MAP1B: variants seen among roughly 807,000 people sequenced by gnomAD.
MAP1B encodes microtubule-associated protein 1B.
In MAP1B, 12 loss-of-function variants were observed where a neutral mutation model predicts 176.1. That is an observed-to-expected ratio of 0.07 (90% CI 0.04 to 0.11). The LOEUF (loss-of-function observed/expected upper bound fraction) is 0.11. MAP1B is among the 10% of genes least tolerant of loss of function. The probability of loss-of-function intolerance (pLI) is 1.00; values close to 1 mark genes in which losing one functional copy is unlikely to be tolerated. For missense variants in MAP1B, 2,523 were observed against 2,990.5 expected (o/e 0.84, Z 3.65); for synonymous variants, 1,044 against 1,135.0 (o/e 0.92, Z 1.61).
chr5:72,127,610 A>C (rs1031371836), intron 2 of MAP1B, among the ~76,000 whole-genome samples: 3 of 152,216 alleles, frequency 2.0e-5, no homozygotes, highest in Non-Finnish European at 4.4e-5. Flanking sequence ...GTATAATTTT[A>C]AAAAAGTTAA....
chr5:72,127,433 A>T (rs1418933184), intron 2 of MAP1B, among the ~76,000 whole-genome samples: 1 of 152,166 alleles, frequency 6.6e-6, no homozygotes, highest in East Asian at 1.9e-4. Flanking sequence ...TAATACCTTT[A>T]AGGTAAAAAC....
At chr5:72,116,829 G>T (rs557916010) in intron 2 of MAP1B, among the ~76,000 whole-genome samples, 1 of 152,244 alleles carries the variant, frequency 6.6e-6, no homozygotes, top group South Asian at 2.1e-4. Context: ...CATCAGGAAT[G>T]AGATTCAGCC....
At position 72,198,281 on chromosome 5, in the gene MAP1B, G is replaced by A. The variant is rs762090587; in HGVS notation, c.4926G>A (p.Gln1642=). The change falls in exon 5 of 7, where the codon CAG becomes CAA. Residue 1642 remains glutamine, a synonymous_variant. Coordinates refer to ENST00000296755, the MANE Select transcript of MAP1B (RefSeq NM_005909.5). ...RTPVQDHRSE[Q]SSMSIEFGQE... is the part of the protein sequence containing the mutation. ...CCGTTCAAGATCACAGATCTGAACA[G>A]TCCTCAATGTCTATTGAATTTGGCC... 5 of 1,614,242 alleles carry A rather than the reference G, an allele frequency of 3.1e-6. No individual in the cohort carries two copies. Among genetic ancestry groups the A allele is most frequent in the Non-Finnish European group, 3.4e-6 (4 of 1,180,040 alleles).
rs1408298475 is a variant in MAP1B, at chr5:72,198,750, A to G, written c.5395A>G (p.Thr1799Ala). The change falls in exon 5 of 7, where the codon ACT (threonine) becomes GCT (alanine). Residue 1799 changes from threonine to alanine, a missense_variant. By Grantham distance (58) the Thr-to-Ala change is moderately conservative. Transcript: ENST00000296755. ...PRESSPLYSP[T>A]FSDSTSAVKE... ...AGAGTCCTCTCCTTTATATTCACCT[A>G]CTTTTTCAGATTCTACCTCTGCAGT... 1.1e-5 allele frequency: 18 copies of G among 1,614,006 alleles called. No individual in the cohort carries two copies. Among genetic ancestry groups the G allele is most frequent in the South Asian group, 3.3e-5 (3 of 91,076 alleles).
At chr5:72,181,172 G>A (rs1746757903) in intron 2 of MAP1B, among the ~76,000 whole-genome samples, 1 of 152,182 alleles carries the variant, frequency 6.6e-6, no homozygotes, top group South Asian at 2.1e-4. Context: ...TTCTGTCTGT[G>A]ATGTGGGGTT....
intron 2 of MAP1B, among the ~76,000 whole-genome samples, chr5:72,147,598 C>T (rs1238785416): frequency 1.3e-5 from 2 of 152,130 alleles, no homozygotes; most frequent in East Asian, 1.9e-4. Context: ...GCAAGGCCTG[C>T]GAGGACACGC....
intron 2 of MAP1B, among the ~76,000 whole-genome samples, chr5:72,144,838 T>A (rs1746016610): frequency 6.6e-6 from 1 of 152,220 alleles, no homozygotes; most frequent in Non-Finnish European, 1.5e-5. Context: ...GTCTAGGCCA[T>A]GACTAGAAAG....
intron 2 of MAP1B, among the ~76,000 whole-genome samples, chr5:72,118,186 T>C (rs893831900): frequency 2.0e-4 from 31 of 152,348 alleles, no homozygotes; most frequent in African/African-American, 7.5e-4. Context: ...GAATCTTTCA[T>C]TGTTTTTTGA....
intron 2 of MAP1B, among the ~76,000 whole-genome samples, chr5:72,146,580 C>A (rs1414653101): frequency 2.0e-5 from 3 of 152,318 alleles, no homozygotes; most frequent in Admixed American, 1.3e-4. Context: ...CTATTATTAT[C>A]CTCATGCCAC....
chr5:72,144,051 A>G (rs150878082), intron 2 of MAP1B, among the ~76,000 whole-genome samples: 1 of 152,132 alleles, frequency 6.6e-6, no homozygotes, highest in East Asian at 1.9e-4. Context: ...TTCCCACCCT[A>G]ATCCAGTGTG....
rs1464934741 is a variant in MAP1B, at chr5:72,195,931, A to G, written c.2576A>G (p.Glu859Gly). Residue 859 changes from glutamate to glycine, a missense_variant, in exon 5 of 7, where the codon GAG (glutamate) becomes GGG (glycine). Glu to Gly is a moderately conservative substitution (Grantham distance 98). This residue lies in a region of MAP1B where 1,925 missense variants were observed against 2,126.0 expected (regional missense o/e 0.91). Transcript: ENST00000296755. ...ACAAAGGACATCAAGCCTCAGCTGGAGCTAATCGAAGACGAAGAGAAACTG... is the reference window on the plus strand; with the variant it reads ...ACAAAGGACATCAAGCCTCAGCTGGGGCTAATCGAAGACGAAGAGAAACTG... ...DVTKDIKPQLELIEDEEKLKE... is the reference protein window; with the variant it reads ...DVTKDIKPQLGLIEDEEKLKE... 3.8e-5 allele frequency: 62 copies of G among 1,614,116 alleles called. No individual in the cohort carries two copies. In the Admixed American group the frequency reaches 9.8e-4, roughly 26 times the overall value.
Position 72,206,818 on chromosome 5 carries a change from AT to A in MAP1B, c.*1580del, listed in dbSNP as rs1296427859. On this transcript the variant is annotated 3_prime_UTR_variant, in exon 7 of 7. Transcript: ENST00000296755. ...TAAAAACCCATAACTACCAGGAATA[AT>A]GATACCTCCCACCCCTTGATTCCCA... 11 of 152,278 alleles carry A rather than the reference AT, an allele frequency of 7.2e-5. No homozygotes were observed. The East Asian group carries it at 2.1e-3, about 29-fold the overall frequency. The allele number at this position is 152,278 out of a possible 1,614,324, so 9.4% of individuals were successfully genotyped here. A position where few individuals can be genotyped will look rare whatever the true frequency, so the allele number is the denominator to read the frequency against.
At chr5:72,130,271 AC>A (rs1745705043) in intron 2 of MAP1B, among the ~76,000 whole-genome samples, 1 of 152,168 alleles carries the variant, frequency 6.6e-6, no homozygotes, top group Non-Finnish European at 1.5e-5. Context: ...CCGAATTCTA[AC>A]TTTTCAGAAA....
intron 2 of MAP1B, among the ~76,000 whole-genome samples, chr5:72,152,388 G>A (rs1414815242): frequency 6.6e-6 from 1 of 152,134 alleles, no homozygotes; most frequent in African/African-American, 2.4e-5. Context: ...ACTGACACCA[G>A]GTCTGTGAAG....
chr5:72,168,167 G>A (rs1024556379), intron 2 of MAP1B, among the ~76,000 whole-genome samples: 3 of 152,204 alleles, frequency 2.0e-5, no homozygotes, highest in Admixed American at 6.5e-5. Context: ...AGTTTACACT[G>A]AGCAGTGGTG....
chr5:72,116,525 G>GTTTTTT, intron 2 of MAP1B: 2 of 350,390 alleles, frequency 5.7e-6, no homozygotes, highest in South Asian at 2.3e-5. Flanking sequence ...GCTATGATCT[G>GTTTTTT]ACCCATGCCT....
intron 2 of MAP1B, among the ~76,000 whole-genome samples, chr5:72,126,452 TATAAACTTGTTCAATTTTGTCTAACC>T (rs761122319): frequency 3.1e-4 from 47 of 152,258 alleles, no homozygotes; most frequent in Non-Finnish European, 5.7e-4. Flanking sequence ...ATTGTATGTG[TATAAACTTGTTCAATTTTGTCTAACC>T]ATACATTTCC....
chr5:72,203,513 G>C, intron 5 of MAP1B, 50 bp from the exon 6 acceptor site: 1 of 1,313,938 alleles, frequency 7.6e-7, no homozygotes, highest in Non-Finnish European at 1.1e-6. Flanking sequence ...TGGATGTATG[G>C]TCTCTTCACC....
At chr5:72,174,589 C>A (rs545037704) in intron 2 of MAP1B, among the ~76,000 whole-genome samples, 1 of 152,170 alleles carries the variant, frequency 6.6e-6, no homozygotes, top group Non-Finnish European at 1.5e-5. Context: ...GCTAGGCTTG[C>A]GGGGGCCACA....
Sources: gnomAD v4.1 joint callset for allele counts (sites outside exome capture counted in the v4.1 genomes callset) on GRCh38, gnomAD v4.1.1 for gene constraint, gnomAD v4.1.1 regional missense constraint, MANE v1.5 for transcripts, NCBI Gene and HGNC (gene_info 2026-07-23, HGNC 2026-07-21) for gene names.